PPP5C: variants seen among roughly 807,000 people sequenced by gnomAD.
PPP5C encodes the protein protein phosphatase 5 catalytic subunit, also known as serine/threonine-protein phosphatase 5.
In PPP5C, 21 loss-of-function variants were observed where a neutral mutation model predicts 66.7. The observed-to-expected ratio is 0.31, with a 90% CI of 0.22 to 0.45. The LOEUF is 0.45. PPP5C is among the 20% of genes least tolerant of loss of function. PPP5C has a pLI of 1.00. For synonymous variants in PPP5C, 246 were observed against 257.4 expected, an observed-to-expected ratio of 0.96 and a Z score of 0.43; for missense variants, 464 against 675.9, an observed-to-expected ratio of 0.69 and a Z score of 3.48.
intron 1 of PPP5C, among the ~76,000 whole-genome samples, chr19:46,347,605 G>A (rs1250528007): frequency 6.6e-6 from 1 of 151,218 alleles, no homozygotes; most frequent in African/African-American, 2.4e-5. Context: ...CCAAGTGGGG[G>A]GTAGAGGGGG....
rs747623831 is a variant in PPP5C, at chr19:46,375,647, A to G, written c.407A>G (p.Tyr136Cys). ...CATGACAAGGATGCCAAAATGAAATACCAGGAGTGCAACAAGATCGTGAAG... is the reference window on the plus strand; with the variant it reads ...CATGACAAGGATGCCAAAATGAAATGCCAGGAGTGCAACAAGATCGTGAAG... ...KPHDKDAKMKYQECNKIVKQK... is the reference protein window; with the variant it reads ...KPHDKDAKMKCQECNKIVKQK... The change falls in exon 3 of 13, where the codon TAC becomes TGC. Residue 136 changes from tyrosine (Y) to cysteine (C), a missense_variant. Physicochemically the swap from Tyr to Cys is radical, Grantham distance 194 (BLOSUM62 -2). Coordinates refer to ENST00000012443, the MANE Select transcript of PPP5C (RefSeq NM_006247.4). 1 of 1,614,066 alleles carries G rather than the reference A, an allele frequency of 6.2e-7. No homozygotes were observed. The highest frequency in any genetic ancestry group is 8.5e-7 in the Non-Finnish European group (1 of 1,179,970).
In PPP5C at chr19:46,359,777, C is replaced by CTTTT. The variant is rs35982365; in HGVS notation, c.363+5804_363+5807dup. Among the ~76,000 whole-genome samples the CTTTT allele has an allele frequency of 1.2e-3, 149 of 121,698 alleles. 3 individuals are homozygous for CTTTT. The highest frequency in any genetic ancestry group is 3.1e-3 in the African/African-American group (97 of 31,290). 79.8% of individuals were successfully genotyped at this position (121,698 alleles called of 152,430 possible). A position where few individuals can be genotyped will look rare whatever the true frequency, so the allele number is the denominator to read the frequency against. On this transcript the variant is annotated intron_variant, in intron 2 of 12. Transcript: ENST00000012443. Reference sequence around the variant, plus strand: ...GGAAAATGAGGAATTTCGGATTAGACTTTTTTTTTTTTTTTTTTTGAGGCG... The same window carrying CTTTT: ...GGAAAATGAGGAATTTCGGATTAGACTTTTTTTTTTTTTTTTTTTTTTTGAGGCG...
Position 46,388,545 on chromosome 19 carries a change from AC to A in PPP5C, c.1177-5del, listed in dbSNP as rs1469183786. On this transcript the variant is annotated splice_polypyrimidine_tract_variant and splice_region_variant and intron_variant, in intron 10 of 12. Coordinates refer to ENST00000012443, the MANE Select transcript of PPP5C (RefSeq NM_006247.4). This position sits in a 1 kb window ranked among gnomAD's most constrained non-coding sequence, Gnocchi z 4.9. ...GAACCCCTGTCTCTCCCTTCTGCCC[AC>A]CCTCAGAACGGGCGCTCGATCAGCA... The A allele has an allele frequency of 1.2e-6, 2 of 1,613,522 alleles. No homozygotes were observed. Among genetic ancestry groups the A allele is most frequent in the South Asian group, 2.2e-5 (2 of 91,052 alleles).
chr19:46,356,980 G>C (rs907926928), intron 2 of PPP5C, among the ~76,000 whole-genome samples: 1 of 152,180 alleles, frequency 6.6e-6, no homozygotes, highest in African/African-American at 2.4e-5. Flanking sequence ...CTCAGCCTTA[G>C]TGTCCTCATC....
At chr19:46,372,586 G>A (rs1403601864) in intron 2 of PPP5C, among the ~76,000 whole-genome samples, 3 of 152,136 alleles carry the variant, frequency 2.0e-5, no homozygotes, top group African/African-American at 4.8e-5. Flanking sequence ...GGGCTTCTTC[G>A]GGGATTGTGA....
At chr19:46,355,377 G>A (rs376097790) in intron 2 of PPP5C, among the ~76,000 whole-genome samples, 24 of 150,458 alleles carry the variant, frequency 1.6e-4, no homozygotes, top group Admixed American at 1.1e-3. Context: ...GCTGGGAGCC[G>A]CGAGTCTGCA....
At position 46,387,379 on chromosome 19, in the gene PPP5C, G is replaced by T; in HGVS notation, c.1061G>T (p.Gly354Val). 1 of 1,610,066 alleles carries T rather than the reference G, an allele frequency of 6.2e-7. No individual in the cohort carries two copies. Among genetic ancestry groups the T allele is most frequent in the Non-Finnish European group, 8.5e-7 (1 of 1,176,654 alleles). The change falls in exon 9 of 13, where the codon GGC becomes GTC. Residue 354 changes from glycine (G) to valine (V), a missense_variant. This residue lies in a region of PPP5C where 387 missense variants were observed against 626.0 expected (regional missense o/e 0.62). Coordinates refer to ENST00000012443, the MANE Select transcript of PPP5C (RefSeq NM_006247.4). ...INGKVLIMHG[G>V]LFSEDGVTLD... ...CCATCTCCCCAGATCATGCACGGAG[G>T]CCTGTTCAGTGAAGACGGTGTCACC...
chr19:46,347,319 A>C (rs1174601645), intron 1 of PPP5C, 102 bp downstream of exon 1: 7 of 1,449,638 alleles, frequency 4.8e-6, no homozygotes, highest in Non-Finnish European at 1.8e-6. Context: ...GGCGCGGGGC[A>C]GACACTACCA....
intron 6 of PPP5C, chr19:46,384,577 T>C: frequency 4.1e-6 from 2 of 491,632 alleles, no homozygotes; most frequent in Non-Finnish European, 7.5e-6. Context: ...CTCAGTGCCA[T>C]ACTACTGAGG....
chr19:46,390,562 T>G lies in PPP5C; in HGVS notation c.*216T>G, dbSNP rs1973001639. On this transcript the variant is annotated 3_prime_UTR_variant, in exon 13 of 13. Transcript: ENST00000012443. Reference sequence around the variant, plus strand: ...GCTCCCTGGACAGAGAGGAAGGAGGTGGAGCAGCTGGGGCTGGGGGCACAG... The same window carrying G: ...GCTCCCTGGACAGAGAGGAAGGAGGGGGAGCAGCTGGGGCTGGGGGCACAG... 3 of 1,378,760 alleles carry G rather than the reference T, an allele frequency of 2.2e-6. No homozygotes were observed. The highest frequency in any genetic ancestry group is 3.0e-5 in the Admixed American group (1 of 33,830). 85.4% of individuals were successfully genotyped at this position (1,378,760 alleles called of 1,614,324 possible).
Position 46,390,947 on chromosome 19 carries a change from G to A in PPP5C, c.*601G>A. On this transcript the variant is annotated 3_prime_UTR_variant, in exon 13 of 13. Coordinates refer to ENST00000012443, the MANE Select transcript of PPP5C (RefSeq NM_006247.4). ...GGTGGGGAGGCCGCAAAGTCCCGCT[G>A]GCCGGGCCCACCCAGCTCTGGGCTG... 1.7e-6 allele frequency: 2 copies of A among 1,179,450 alleles called. No homozygotes were observed. The highest frequency in any genetic ancestry group is 2.1e-6 in the Non-Finnish European group (2 of 934,058). 73.1% of individuals were successfully genotyped at this position (1,179,450 alleles called of 1,614,324 possible). A position where few individuals can be genotyped will look rare whatever the true frequency, so the allele number is the denominator to read the frequency against.
chr19:46,351,626 C>T (rs1017924148), intron 1 of PPP5C, among the ~76,000 whole-genome samples: 6 of 152,222 alleles, frequency 3.9e-5, no homozygotes, highest in South Asian at 2.1e-4. Context: ...ATCAGGAGCG[C>T]GGGCCAGGCA....
At chr19:46,370,524 G>A (rs546012175) in intron 2 of PPP5C, among the ~76,000 whole-genome samples, 124 of 152,274 alleles carry the variant, frequency 8.1e-4, no homozygotes, top group Non-Finnish European at 4.6e-4. Flanking sequence ...CCCTTGAGAA[G>A]GTGTGGTTCT....
chr19:46,383,816 C>G lies in PPP5C; in HGVS notation c.736C>G (p.Gln246Glu). The G allele has an allele frequency of 6.2e-7, 1 of 1,613,976 alleles. No individual in the cohort carries two copies. Among genetic ancestry groups the G allele is most frequent in the South Asian group, 1.1e-5 (1 of 91,066 alleles). The change falls in exon 6 of 13, where the codon CAG (glutamine) becomes GAG (glutamate). Residue 246 changes from glutamine to glutamate, a missense_variant. This residue lies in a region of PPP5C where 387 missense variants were observed against 626.0 expected (regional missense o/e 0.62). Transcript: ENST00000012443. This position sits in a 1 kb window ranked among gnomAD's most constrained non-coding sequence, Gnocchi z 5.0. ...KITVCGDTHG[Q>E]FYDLLNIFEL... ...TACAGTATGTGGGGACACCCATGGC[C>G]AGTTCTATGACCTCCTCAACATATT...
intron 1 of PPP5C, among the ~76,000 whole-genome samples, chr19:46,352,987 G>T (rs915448798): frequency 6.6e-6 from 1 of 152,200 alleles, no homozygotes; most frequent in African/African-American, 2.4e-5. Flanking sequence ...AGCCCTGCAT[G>T]GCTCTGGTAC....
chr19:46,347,782 G>C (rs1972109728), intron 1 of PPP5C, among the ~76,000 whole-genome samples: 1 of 152,068 alleles, frequency 6.6e-6, no homozygotes, highest in African/African-American at 2.4e-5. Flanking sequence ...AGAATATTGA[G>C]AGTCAAGTGT....
intron 2 of PPP5C, among the ~76,000 whole-genome samples, chr19:46,375,053 A>G (rs1267228406): frequency 6.6e-6 from 1 of 152,222 alleles, no homozygotes; most frequent in African/African-American, 2.4e-5. Flanking sequence ...CCCCTGCTGC[A>G]TGCCGGGCCC....
In PPP5C at chr19:46,362,243, G is replaced by A. The variant is rs192478645; in HGVS notation, c.363+8254G>A. ...CAAGCAATTTTTAACTGTTAGTCATGTAGCAGTAATTTATGATGCCATCTT... is the reference window on the plus strand; with the variant it reads ...CAAGCAATTTTTAACTGTTAGTCATATAGCAGTAATTTATGATGCCATCTT... On this transcript the variant is annotated intron_variant, in intron 2 of 12. Transcript: ENST00000012443. Among the ~76,000 whole-genome samples, 244 of 152,306 alleles carry A rather than the reference G, an allele frequency of 1.6e-3. 2 individuals are homozygous for A. The highest frequency in any genetic ancestry group is 5.1e-3 in the African/African-American group (214 of 41,582).
At position 46,373,503 on chromosome 19, in the gene PPP5C, G is replaced by A. The variant is rs1352732997; in HGVS notation, c.364-2101G>A. Among the ~76,000 whole-genome samples, 13 of 152,188 alleles carry A rather than the reference G, an allele frequency of 8.5e-5. No homozygotes were observed. The South Asian group carries it at 1.0e-3, about 12-fold the overall frequency. ...TGAGCTGTGTATTATTATTGTTGCC[G>A]CTGCCACTGTTGGTATTCCCACTCC... is the stretch of plus-strand genomic sequence containing the variant. On this transcript the variant is annotated intron_variant, in intron 2 of 12. Coordinates refer to ENST00000012443, the MANE Select transcript of PPP5C (RefSeq NM_006247.4).
Sources: allele counts gnomAD v4.1 joint callset (sites outside exome capture counted in the v4.1 genomes callset), GRCh38; gene constraint gnomAD v4.1.1; regional missense constraint gnomAD v4.1.1; non-coding constraint Gnocchi (gnomAD v3.1); transcripts MANE v1.5; gene names NCBI Gene and HGNC (gene_info 2026-07-23, HGNC 2026-07-21).